CTNND2: variants seen among roughly 807,000 people sequenced by gnomAD.
CTNND2 encodes the protein catenin delta-2.
A neutral mutation model predicts 144.4 loss-of-function variants in CTNND2; 22 were observed. The ratio of observed to expected loss-of-function variants is 0.15; its 90% CI spans 0.11 to 0.22. CTNND2 has a LOEUF of 0.22. Among genes scored for constraint, CTNND2 ranks in the 10% least tolerant of loss-of-function variants. CTNND2 has a pLI of 1.00. For missense variants in CTNND2, 1,353 were observed against 1,618.8 expected (o/e 0.84, Z 2.82); for synonymous variants, 751 against 695.6 (o/e 1.08, Z -1.25).
chr5:11,780,207 G>A (rs1002813259), intron 1 of CTNND2, among the ~76,000 whole-genome samples: 7 of 152,150 alleles, frequency 4.6e-5, no homozygotes, highest in African/African-American at 1.7e-4. Context: ...CCCCTAGAGT[G>A]CCAGCAGTCC....
chr5:11,750,780 A>G (rs1365752503), intron 1 of CTNND2, among the ~76,000 whole-genome samples: 1 of 150,720 alleles, frequency 6.6e-6, no homozygotes, highest in African/African-American at 2.5e-5. Context: ...GCTAGTCTAG[A>G]CTAGACTAGA....
chr5:11,736,663 T>C (rs1004259754), intron 1 of CTNND2, among the ~76,000 whole-genome samples: 3 of 152,142 alleles, frequency 2.0e-5, no homozygotes, highest in African/African-American at 7.2e-5. Context: ...TATGGCCAAA[T>C]ACGTCAGTCT....
At chr5:11,274,231 A>T (rs1401953430) in intron 9 of CTNND2, among the ~76,000 whole-genome samples, 2 of 152,244 alleles carry the variant, frequency 1.3e-5, no homozygotes, top group African/African-American at 4.8e-5. Flanking sequence ...TTACAACTTT[A>T]TGAAAATCTT....
chr5:11,079,615 CA>C (rs1409328571), intron 16 of CTNND2, among the ~76,000 whole-genome samples: 2 of 152,300 alleles, frequency 1.3e-5, no homozygotes, highest in Admixed American at 6.5e-5. Context: ...GCCTGGAGCC[CA>C]CTGGCCTGCT....
intron 20 of CTNND2, among the ~76,000 whole-genome samples, chr5:10,982,955 A>C (rs1180098341): frequency 2.6e-5 from 4 of 152,226 alleles, no homozygotes; most frequent in Non-Finnish European, 2.9e-5. Context: ...AGCTAAAAAA[A>C]ATTGATCTAT....
intron 3 of CTNND2, among the ~76,000 whole-genome samples, chr5:11,415,346 A>G (rs1404873974): frequency 3.9e-5 from 6 of 152,150 alleles, no homozygotes; most frequent in African/African-American, 1.4e-4. Flanking sequence ...GCTCATGCTT[A>G]TAATCCCAGT....
At chr5:11,548,767 T>G (rs1775491820) in intron 3 of CTNND2, among the ~76,000 whole-genome samples, 1 of 152,206 alleles carries the variant, frequency 6.6e-6, no homozygotes, top group Admixed American at 6.5e-5. Flanking sequence ...ATTTTGTTTC[T>G]TAAAATTCCC....
At chr5:11,088,002 C>T (rs1387146063) in intron 15 of CTNND2, among the ~76,000 whole-genome samples, 1 of 152,192 alleles carries the variant, frequency 6.6e-6, no homozygotes, top group African/African-American at 2.4e-5. Context: ...TTCCCCAACT[C>T]TCAAGCTATC....
intron 1 of CTNND2, among the ~76,000 whole-genome samples, chr5:11,769,653 A>G (rs1292490316): frequency 2.6e-5 from 4 of 152,222 alleles, no homozygotes; most frequent in Non-Finnish European, 5.9e-5. Flanking sequence ...TTAAGTATAA[A>G]ACAAGATGGT....
At chr5:11,766,422 C>T (rs1414739061) in intron 1 of CTNND2, among the ~76,000 whole-genome samples, 2 of 152,154 alleles carry the variant, frequency 1.3e-5, no homozygotes, top group East Asian at 1.9e-4. Flanking sequence ...GTGCTGTTCT[C>T]TTGAATGAAT....
At chr5:11,366,756 T>A (rs1757023544) in intron 7 of CTNND2, among the ~76,000 whole-genome samples, 2 of 152,206 alleles carry the variant, frequency 1.3e-5, no homozygotes, top group African/African-American at 4.8e-5. Context: ...TTTAGAATTG[T>A]TACTTTATCA....
chr5:11,568,276 G>A (rs1420508363), intron 2 of CTNND2, among the ~76,000 whole-genome samples: 3 of 152,104 alleles, frequency 2.0e-5, no homozygotes, highest in Non-Finnish European at 4.4e-5. Context: ...CTGATATTTG[G>A]ACCCATGAAC....
intron 2 of CTNND2, among the ~76,000 whole-genome samples, chr5:11,675,020 T>A (rs964110242): frequency 1.3e-5 from 2 of 152,152 alleles, no homozygotes; most frequent in Admixed American, 1.3e-4. Context: ...TTCTTTCCAA[T>A]GGGGTTATTG....
At chr5:11,558,334 A>G in intron 3 of CTNND2, among the ~76,000 whole-genome samples, 1 of 134,852 alleles carries the variant, frequency 7.4e-6, no homozygotes, top group East Asian at 2.3e-4. Flanking sequence ...TTTGGCTGTG[A>G]GAAACACGTG....
intron 1 of CTNND2, among the ~76,000 whole-genome samples, chr5:11,746,454 A>G (rs553772784): frequency 3.3e-5 from 5 of 152,168 alleles, no homozygotes; most frequent in Admixed American, 2.0e-4. Context: ...ATCACTAAGA[A>G]CTGTGATGAT....
chr5:11,416,423 G>A (rs1761941860), intron 3 of CTNND2, among the ~76,000 whole-genome samples: 1 of 152,178 alleles, frequency 6.6e-6, no homozygotes, highest in African/African-American at 2.4e-5. Context: ...CTTTGGCACA[G>A]TTAAAATGCA....
chr5:11,517,496 T>G (rs941724307), intron 3 of CTNND2, among the ~76,000 whole-genome samples: 3 of 152,180 alleles, frequency 2.0e-5, no homozygotes, highest in Non-Finnish European at 4.4e-5. Context: ...ATATTTAAGG[T>G]ATACAATGTG....
intron 1 of CTNND2, among the ~76,000 whole-genome samples, chr5:11,893,624 C>T (rs1480425148): frequency 6.6e-6 from 1 of 152,182 alleles, no homozygotes; most frequent in Non-Finnish European, 1.5e-5. Context: ...TCAGCTTCCA[C>T]ATCCATCGCC....
chr5:11,575,734 C>T (rs1364212054), intron 2 of CTNND2, among the ~76,000 whole-genome samples: 1 of 152,162 alleles, frequency 6.6e-6, no homozygotes, highest in Non-Finnish European at 1.5e-5. Context: ...CCTTCCCGCA[C>T]AAACTCTTCT....
Sources: allele counts gnomAD v4.1 joint callset (sites outside exome capture counted in the v4.1 genomes callset), GRCh38; gene constraint gnomAD v4.1.1; transcripts MANE v1.5; gene names NCBI Gene and HGNC (gene_info 2026-07-23, HGNC 2026-07-21).